The following MEAK7 variants were observed in gnomAD, a reference collection of about 807,000 sequenced individuals.
MEAK7 encodes MTOR associated protein MEAK7.
Under a neutral mutation model 40.5 loss-of-function variants are expected in MEAK7, and 68 were observed. That is an observed-to-expected ratio of 1.68 (90% CI 1.38 to 2.06). The LOEUF (loss-of-function observed/expected upper bound fraction) is 2.06, where lower values mean the gene tolerates loss of function less well. Among genes scored for constraint, MEAK7 ranks in the 30% most tolerant of loss-of-function variants. The probability of loss-of-function intolerance (pLI) is 0.00; values close to 1 mark genes in which losing one functional copy is unlikely to be tolerated. For missense variants in MEAK7, 918 were observed against 580.5 expected, an observed-to-expected ratio of 1.58 and a Z score of -5.98; for synonymous variants, 338 against 231.9, an observed-to-expected ratio of 1.46 and a Z score of -4.16.
At chr16:84,501,842 G>A (rs183086352) in intron 1 of MEAK7, among the ~76,000 whole-genome samples, 1 of 152,276 alleles carries the variant, frequency 6.6e-6, no homozygotes, top group African/African-American at 2.4e-5. Context: ...AGAGCCCCGT[G>A]CCAGGCAAGA....
chr16:84,480,752 A>G (rs751208308), intron 6 of MEAK7, 44 bp from the exon 7 acceptor site: 1 of 1,570,336 alleles, frequency 6.4e-7, no homozygotes. Context: ...GCAACTCCTC[A>G]GGGTCTGTGG....
At chr16:84,493,474 G>T (rs1291255030) in intron 3 of MEAK7, among the ~76,000 whole-genome samples, 1 of 152,182 alleles carries the variant, frequency 6.6e-6, no homozygotes, top group Non-Finnish European at 1.5e-5. Context: ...TGCGTGGACC[G>T]AACTAACAGA....
At position 84,504,599 on chromosome 16, in the gene MEAK7, A is replaced by T; in HGVS notation, c.-26+2T>A. The T allele has an allele frequency of 1.0e-6, 1 of 985,414 alleles. No individual in the cohort carries two copies. Among genetic ancestry groups the T allele is most frequent in the Non-Finnish European group, 1.2e-6 (1 of 830,032 alleles). 61.0% of individuals were successfully genotyped at this position (985,414 alleles called of 1,614,324 possible). On this transcript the variant is annotated splice_donor_variant, in intron 1 of 7. Transcript: ENST00000343629. LOFTEE classifies it low-confidence loss of function (5UTR_SPLICE). The stretch of plus-strand genomic sequence containing the variant: ...ACTGCGAACCTCAGCCCAGGTACCT[A>T]CCCTGCCGGGCTTCCTGGTGCTGTC...
rs1597909425 is a variant in MEAK7, at chr16:84,476,626, A to G, written c.*3287T>C. 1 of 152,186 alleles carries G rather than the reference A, an allele frequency of 6.6e-6. No homozygotes were observed. Among genetic ancestry groups the G allele is most frequent in the Non-Finnish European group, 1.5e-5 (1 of 68,030 alleles). The allele number at this position is 152,186 out of a possible 1,614,324, so 9.4% of individuals were successfully genotyped here. A position where few individuals can be genotyped will look rare whatever the true frequency, so the allele number is the denominator to read the frequency against. On this transcript the variant is annotated 3_prime_UTR_variant, in exon 8 of 8. Transcript: ENST00000343629. Reference sequence around the variant, plus strand: ...CAGACGGTGGAACGCTAGGCCCGAGAGCATCCATATGGTGGGACATCACGC... The same window carrying G: ...CAGACGGTGGAACGCTAGGCCCGAGGGCATCCATATGGTGGGACATCACGC...
At chr16:84,500,372 C>CCG (rs1914397951) in intron 1 of MEAK7, among the ~76,000 whole-genome samples, 1 of 152,196 alleles carries the variant, frequency 6.6e-6, no homozygotes, top group Non-Finnish European at 1.5e-5. Context: ...TTCTGAGGGG[C>CCG]CGCCAAGTGC....
intron 5 of MEAK7, among the ~76,000 whole-genome samples, chr16:84,485,639 T>C (rs371182212): frequency 2.0e-5 from 3 of 149,384 alleles, no homozygotes; most frequent in South Asian, 2.1e-4. Context: ...ACTATCTATC[T>C]ATCCATCCAT....
In MEAK7 at chr16:84,490,443, C is replaced by CTTTTT. The variant is rs770073812; in HGVS notation, c.385-1026_385-1022dup. Among the ~76,000 whole-genome samples, 11 of 93,874 alleles carry CTTTTT rather than the reference C, an allele frequency of 1.2e-4. 1 individual carries two copies. Among genetic ancestry groups the CTTTTT allele is most frequent in the African/African-American group, 5.4e-4 (10 of 18,668 alleles). 61.6% of individuals were successfully genotyped at this position (93,874 alleles called of 152,430 possible). A position where few individuals can be genotyped will look rare whatever the true frequency, so the allele number is the denominator to read the frequency against. ...CTGGGCGGCTAAGTTTCTGCCCCGC[C>CTTTTT]TTTTTTTTTTTTTTTTTTTTTTTTT... On this transcript the variant is annotated intron_variant, in intron 3 of 7. Coordinates refer to ENST00000343629, the MANE Select transcript of MEAK7 (RefSeq NM_020947.4).
rs183434692 is a variant in MEAK7 at position 84,489,318 on chromosome 16, C to T, written c.489G>A (p.Gln163=). The T allele has an allele frequency of 1.3e-4, 205 of 1,614,216 alleles. 2 individuals carry two copies. In the East Asian group the frequency reaches 4.5e-3, roughly 36 times the overall value. The change falls in exon 4 of 8, where the codon CAG becomes CAA. Residue 163 remains glutamine, a synonymous_variant. Coordinates refer to ENST00000343629, the MANE Select transcript of MEAK7 (RefSeq NM_020947.4). Reference sequence around the variant, plus strand: ...CAGAGAGCAGCTGAGCAGCCAGCACCTGCACCCGGGGGTTGGGCCCTGGGG... The same window carrying T: ...CAGAGAGCAGCTGAGCAGCCAGCACTTGCACCCGGGGGTTGGGCCCTGGGG... ...KEAPGPNPRV[Q]VLAAQLLSDM...
Position 84,479,595 on chromosome 16 carries a change from G to T in MEAK7, c.*318C>A, listed in dbSNP as rs1313730007. 4.5e-6 allele frequency: 1 copy of T among 222,150 alleles called. No homozygotes were observed. The highest frequency in any genetic ancestry group is 8.8e-6 in the Non-Finnish European group (1 of 114,264). 13.8% of individuals were successfully genotyped at this position (222,150 alleles called of 1,614,324 possible). On this transcript the variant is annotated 3_prime_UTR_variant, in exon 8 of 8. Coordinates refer to ENST00000343629, the MANE Select transcript of MEAK7 (RefSeq NM_020947.4). ...AGCGGGGGTCTGAAAGGTCTCAGCT[G>T]CTTAGGATTTCGTTGGTAAAAAAGA...
Position 84,499,979 on chromosome 16 carries a change from G to T in MEAK7, c.-25-1868C>A, listed in dbSNP as rs118033327. ...GTGAGCACAGGACGTCAAGGCTGCAGTGAGCTATGATCGTGCCACTGCACT... is the reference window on the plus strand; with the variant it reads ...GTGAGCACAGGACGTCAAGGCTGCATTGAGCTATGATCGTGCCACTGCACT... On this transcript the variant is annotated intron_variant, in intron 1 of 7. Transcript: ENST00000343629. The T allele has an allele frequency of 8.0e-3, 1,228 of 152,548 alleles. 45 individuals carry two copies. The highest frequency in any genetic ancestry group is 0.042 in the East Asian group (219 of 5,194). 9.4% of individuals were successfully genotyped at this position (152,548 alleles called of 1,614,324 possible).
intron 3 of MEAK7, among the ~76,000 whole-genome samples, chr16:84,490,853 T>TA (rs1913536032): frequency 1.3e-5 from 2 of 152,066 alleles, no homozygotes; most frequent in African/African-American, 4.8e-5. Context: ...GGACCTAAAA[T>TA]AATGTCTAAG....
chr16:84,484,358 C>T lies in MEAK7; in HGVS notation c.959-1648G>A, dbSNP rs183441578. Among the ~76,000 whole-genome samples the T allele has an allele frequency of 2.2e-4, 34 of 152,336 alleles. No homozygotes were observed. In the East Asian group the frequency reaches 5.0e-3, roughly 22 times the overall value. ...CGTGCGGCCACCAGCACCTGACGCT[C>T]GGCCGCCGAGGAGCTGCCTGCCCAC... On this transcript the variant is annotated intron_variant, in intron 5 of 7. Coordinates refer to ENST00000343629, the MANE Select transcript of MEAK7 (RefSeq NM_020947.4).
intron 2 of MEAK7, among the ~76,000 whole-genome samples, chr16:84,496,382 G>A (rs948529609): frequency 2.0e-5 from 3 of 152,084 alleles, no homozygotes; most frequent in South Asian, 2.1e-4. Flanking sequence ...GGTGTCCACC[G>A]CACTTGAGGA....
At chr16:84,500,314 G>A (rs965406428) in intron 1 of MEAK7, among the ~76,000 whole-genome samples, 2 of 152,060 alleles carry the variant, frequency 1.3e-5, no homozygotes, top group East Asian at 1.9e-4. Flanking sequence ...TTCCAGTGTC[G>A]ACACCTAGGA....
rs201780127 is a variant in MEAK7, at chr16:84,480,633, G to A, written c.1153C>T (p.Pro385Ser). Residue 385 changes from proline to serine, a missense_variant, in exon 7 of 8, where the codon CCC (proline) becomes TCC (serine). Transcript: ENST00000343629. ...GGGCTGTTGTACGTGGTGCACGTGGGCTTGGCTCTGCTGTGTCCTTTCCCA... is the reference window on the plus strand; with the variant it reads ...GGGCTGTTGTACGTGGTGCACGTGGACTTGGCTCTGCTGTGTCCTTTCCCA... ...DFGKGHSRAKPTCTTYNSPQL... is the reference protein window; with the variant it reads ...DFGKGHSRAKSTCTTYNSPQL... 53 of 1,613,958 alleles carry A rather than the reference G, an allele frequency of 3.3e-5. No individual in the cohort carries two copies. The Middle Eastern group carries it at 6.6e-4, about 20-fold the overall frequency.
chr16:84,489,184 G>T, intron 4 of MEAK7, 94 bp downstream of exon 4: 1 of 1,443,018 alleles, frequency 6.9e-7, no homozygotes, highest in South Asian at 1.5e-5. Flanking sequence ...CACGCATTCT[G>T]GTTTCAAAGC....
rs527734079 is a variant in MEAK7, at chr16:84,487,182, G to A, written c.530-123C>T. On this transcript the variant is annotated intron_variant, in intron 4 of 7. Transcript: ENST00000343629. ...TGCAATTACTGAGCACAGAAAACAG[G>A]GCTCGTGTGAATTGAGAGGTGCCGT... The A allele has an allele frequency of 9.7e-6, 9 of 925,440 alleles. No homozygotes were observed. In the East Asian group the frequency reaches 1.3e-4, roughly 14 times the overall value. The allele number at this position is 925,440 out of a possible 1,614,324, so 57.3% of individuals were successfully genotyped here. A position where few individuals can be genotyped will look rare whatever the true frequency, so the allele number is the denominator to read the frequency against.
At position 84,497,950 on chromosome 16, in the gene MEAK7, G is replaced by A; in HGVS notation, c.137C>T (p.Ser46Phe). 3.7e-6 allele frequency: 6 copies of A among 1,614,222 alleles called. No individual in the cohort carries two copies. Among genetic ancestry groups the A allele is most frequent in the Non-Finnish European group, 5.1e-6 (6 of 1,180,040 alleles). The change falls in exon 2 of 8, where the codon TCT becomes TTT. Residue 46 changes from serine to phenylalanine, a missense_variant. Physicochemically the swap from Ser to Phe is radical, Grantham distance 155. Transcript: ENST00000343629. ...NSPNVSSKSF[S>F]LKALQNHVGE... The stretch of plus-strand genomic sequence containing the variant: ...TACTCTTGCCTGTAGTGCCTTCAGA[G>A]AGAAGGATTTGGATGAGACATTCGG...
In MEAK7 at chr16:84,495,745, G is replaced by A. The variant is rs764290364; in HGVS notation, c.322C>T (p.Leu108Phe). ...LLKGNSEEKS[L>F]MIMKMISATE... ...GCAGAAATCATTTTCATAATCATGA[G>A]ACTCTTCTCCTCGGAGTTTCCTTTC... Residue 108 changes from leucine to phenylalanine, a missense_variant, in exon 3 of 8, where the codon CTC becomes TTC. Leu to Phe is a conservative substitution (Grantham distance 22). Coordinates refer to ENST00000343629, the MANE Select transcript of MEAK7 (RefSeq NM_020947.4). The A allele has an allele frequency of 6.2e-7, 1 of 1,613,826 alleles. No homozygotes were observed. The highest frequency in any genetic ancestry group is 8.5e-7 in the Non-Finnish European group (1 of 1,180,030).
Sources: allele counts gnomAD v4.1 joint callset (sites outside exome capture counted in the v4.1 genomes callset), GRCh38; gene constraint gnomAD v4.1.1; transcripts MANE v1.5; gene names NCBI Gene and HGNC (gene_info 2026-07-23, HGNC 2026-07-21).